PKP2: variants seen among roughly 807,000 people sequenced by gnomAD.
PKP2 encodes the protein plakophilin 2, also known as plakophilin-2.
In PKP2, 73 loss-of-function variants were observed where a neutral mutation model predicts 83.4. The ratio of observed to expected loss-of-function variants is 0.88; its 90% CI spans 0.72 to 1.06. The LOEUF (loss-of-function observed/expected upper bound fraction) is 1.06, where lower values mean the gene tolerates loss of function less well. Among genes scored for constraint, PKP2 ranks in the 50% least tolerant of loss-of-function variants. PKP2 has a pLI of 0.00. For missense variants in PKP2, 966 were observed against 1,065.4 expected (o/e 0.91, Z 1.30); for synonymous variants, 409 against 430.4 (o/e 0.95, Z 0.62).
chr12:32,841,057 G>T lies in PKP2; in HGVS notation c.1527C>A (p.Asp509Glu). Residue 509 changes from aspartate (D) to glutamate (E), a missense_variant, in exon 6 of 13, where the codon GAC (aspartate) becomes GAA (glutamate). Transcript: ENST00000340811. Reference protein sequence around the residue: ...YPKANGLLDFDIFYNVTGCLR... With the variant: ...YPKANGLLDFEIFYNVTGCLR... ...GGCATCCAGTGACGTTGTAGAATAT[G>T]TCAAAATCGAGCAAACCATTTGCTT... is the stretch of plus-strand genomic sequence containing the variant. 1 of 1,613,686 alleles carries T rather than the reference G, an allele frequency of 6.2e-7. No homozygotes were observed. The highest frequency in any genetic ancestry group is 1.3e-5 in the African/African-American group (1 of 75,016).
At chr12:32,869,902 G>A (rs935947278) in intron 3 of PKP2, among the ~76,000 whole-genome samples, 1 of 152,062 alleles carries the variant, frequency 6.6e-6, no homozygotes, top group Admixed American at 6.6e-5. Flanking sequence ...GGTGGCATGT[G>A]CCTGTAGACC....
chr12:32,826,264 C>A (rs1422395774), intron 6 of PKP2, among the ~76,000 whole-genome samples: 1 of 144,968 alleles, frequency 6.9e-6, no homozygotes, highest in Non-Finnish European at 1.5e-5. Context: ...CGAGATCGTG[C>A]CACTGCACTC....
At chr12:32,796,561 T>A (rs984013748) in intron 10 of PKP2, among the ~76,000 whole-genome samples, 2 of 151,930 alleles carry the variant, frequency 1.3e-5, no homozygotes, top group Middle Eastern at 3.2e-3. Context: ...TTTTTTATTT[T>A]TTTATTTTTT....
chr12:32,824,001 A>G (rs1167668059), intron 7 of PKP2, 44 bp downstream of exon 7: 7 of 1,153,670 alleles, frequency 6.1e-6, no homozygotes, highest in Non-Finnish European at 9.1e-6. Flanking sequence ...AATATTCTGA[A>G]GCATCTTAGT....
At chr12:32,879,456 C>T (rs182826799) in intron 1 of PKP2, among the ~76,000 whole-genome samples, 4 of 152,184 alleles carry the variant, frequency 2.6e-5, no homozygotes, top group Admixed American at 2.0e-4. Flanking sequence ...CACTTGAACT[C>T]GGGAGACAGA....
At chr12:32,795,777 C>T (rs1180189742) in intron 11 of PKP2, among the ~76,000 whole-genome samples, 2 of 152,198 alleles carry the variant, frequency 1.3e-5, no homozygotes, top group South Asian at 4.1e-4. Flanking sequence ...CCTGCTTTGC[C>T]TACATTCTGC....
intron 5 of PKP2, among the ~76,000 whole-genome samples, chr12:32,844,580 AAGG>A (rs1308691026): frequency 6.6e-6 from 1 of 152,222 alleles, no homozygotes; most frequent in Non-Finnish European, 1.5e-5. Context: ...AATTCTAAAG[AAGG>A]AGATTTTGGC....
chr12:32,815,979 C>T (rs1956315692), intron 9 of PKP2, among the ~76,000 whole-genome samples: 1 of 152,188 alleles, frequency 6.6e-6, no homozygotes, highest in Admixed American at 6.5e-5. Context: ...GTGAGAATGA[C>T]TGTTAATTCT....
intron 11 of PKP2, among the ~76,000 whole-genome samples, chr12:32,793,166 G>A (rs1178564546): frequency 1.3e-5 from 2 of 151,950 alleles, no homozygotes; most frequent in African/African-American, 4.8e-5. Context: ...ACTTGAACCC[G>A]GGAGGCGGAG....
At chr12:32,823,940 G>GCTCACC in intron 7 of PKP2, 105 bp downstream of exon 7, 1 of 787,930 alleles carries the variant, frequency 1.3e-6, no homozygotes. Flanking sequence ...AAGATCTTAG[G>GCTCACC]CTCAGTAAAT....
intron 5 of PKP2, among the ~76,000 whole-genome samples, chr12:32,846,117 T>C (rs1328450296): frequency 6.6e-6 from 1 of 152,204 alleles, no homozygotes; most frequent in Non-Finnish European, 1.5e-5. Context: ...TTACCCTGAC[T>C]CTTTCATATG....
intron 10 of PKP2, among the ~76,000 whole-genome samples, chr12:32,797,100 A>G (rs1319295700): frequency 6.6e-6 from 1 of 152,082 alleles, no homozygotes; most frequent in Non-Finnish European, 1.5e-5. Context: ...GAAAATAATT[A>G]TGTTAATAGT....
chr12:32,874,938 G>A (rs988752361), intron 3 of PKP2, among the ~76,000 whole-genome samples: 4 of 151,876 alleles, frequency 2.6e-5, no homozygotes, highest in South Asian at 2.1e-4. Context: ...GTGGGGTCTC[G>A]GGGTCTCCCT....
At chr12:32,812,786 G>T (rs1452012486) in intron 9 of PKP2, among the ~76,000 whole-genome samples, 1 of 152,152 alleles carries the variant, frequency 6.6e-6, no homozygotes, top group Non-Finnish European at 1.5e-5. Flanking sequence ...TTACAGGCGT[G>T]AGCCACCGTG....
At chr12:32,842,407 T>A (rs1217850497) in intron 5 of PKP2, among the ~76,000 whole-genome samples, 1 of 151,972 alleles carries the variant, frequency 6.6e-6, no homozygotes, top group Non-Finnish European at 1.5e-5. Context: ...CATGCCTGAC[T>A]AATTTTTGTA....
At chr12:32,802,239 C>G (rs1429057020) in intron 10 of PKP2, among the ~76,000 whole-genome samples, 164 bp downstream of exon 10, 2 of 151,870 alleles carry the variant, frequency 1.3e-5, no homozygotes, top group Admixed American at 6.6e-5. Context: ...ACTGAGAAAG[C>G]CTGTTTGTGA....
At chr12:32,802,665 T>G in intron 9 of PKP2, 109 bp from the exon 10 acceptor site, 2 of 979,538 alleles carry the variant, frequency 2.0e-6, no homozygotes, top group Admixed American at 3.8e-5. Flanking sequence ...TTTTATCTTA[T>G]TTATTTATTT....
rs1377178540 is a variant in PKP2 at position 32,892,812 on chromosome 12, TGGGGGCGGGGGGG to T, written c.223+3684_223+3696del. On this transcript the variant is annotated intron_variant, in intron 1 of 12. Coordinates refer to ENST00000340811, the MANE Select transcript of PKP2 (RefSeq NM_001005242.3). ...TTTCTCTCCACTCAGATACCTGGGG[TGGGGGCGGGGGGG>T]GGGGGAGAACTGTGTAGCAAGTAGT... is the stretch of plus-strand genomic sequence containing the variant. Among the ~76,000 whole-genome samples the T allele has an allele frequency of 5.7e-3, 2 of 350 alleles. 1 individual carries two copies. The highest frequency in any genetic ancestry group is 0.038 in the Admixed American group (2 of 52). 0.2% of individuals were successfully genotyped at this position (350 alleles called of 152,430 possible).
chr12:32,845,861 G>T (rs954800545), intron 5 of PKP2, among the ~76,000 whole-genome samples: 2 of 151,848 alleles, frequency 1.3e-5, no homozygotes, highest in Non-Finnish European at 2.9e-5. Flanking sequence ...CCTAAATTTT[G>T]CAAATCTTAA....
Sources: allele counts gnomAD v4.1 joint callset (sites outside exome capture counted in the v4.1 genomes callset), GRCh38; gene constraint gnomAD v4.1.1; transcripts MANE v1.5; gene names NCBI Gene and HGNC (gene_info 2026-07-23, HGNC 2026-07-21).